The following CEP63 variants were observed in gnomAD, a reference collection of about 807,000 sequenced individuals.
CEP63 encodes centrosomal protein of 63 kDa.
In CEP63, 84 loss-of-function variants were observed where a neutral mutation model predicts 89.1. The ratio of observed to expected loss-of-function variants is 0.94; its 90% CI spans 0.79 to 1.13. CEP63 has a LOEUF of 1.13. CEP63 is among the 50% of genes most tolerant of loss of function. The pLI is 0.00. For synonymous variants in CEP63, 267 were observed against 272.5 expected, an observed-to-expected ratio of 0.98 and a Z score of 0.20; for missense variants, 838 against 813.3, an observed-to-expected ratio of 1.03 and a Z score of -0.37.
chr3:134,557,191 A>G (rs2110066810), intron 12 of CEP63, among the ~76,000 whole-genome samples: 1 of 152,090 alleles, frequency 6.6e-6, no homozygotes, highest in Admixed American at 6.6e-5. Flanking sequence ...TTTCATTTTA[A>G]CTCGTATGTC....
At chr3:134,511,628 A>C (rs979153675) in intron 3 of CEP63, among the ~76,000 whole-genome samples, 2 of 152,226 alleles carry the variant, frequency 1.3e-5, no homozygotes, top group East Asian at 3.8e-4. Context: ...CTGTACAGGA[A>C]GCATGGCTGG....
At chr3:134,692,780 C>A in the CEP63 span, among the ~76,000 whole-genome samples, 2 of 152,188 alleles carry the variant, frequency 1.3e-5, no homozygotes, top group South Asian at 4.1e-4. Context: ...TTGCCTGGGA[C>A]TGCCCTGGTT....
At chr3:134,635,493 T>TAAAAAAAAA in the CEP63 span, among the ~76,000 whole-genome samples, 1 of 79,352 alleles carries the variant, frequency 1.3e-5, no homozygotes, top group Non-Finnish European at 2.3e-5. Flanking sequence ...CGAGACTCTG[T>TAAAAAAAAA]AAAAAAAAAA....
the CEP63 span, among the ~76,000 whole-genome samples, chr3:134,624,208 T>C: frequency 6.6e-6 from 1 of 152,108 alleles, no homozygotes; most frequent in African/African-American, 2.4e-5. Flanking sequence ...CCCACTGGTG[T>C]TAGAGTTCTT....
rs775085746 is a variant in CEP63, at chr3:134,549,146, T to TA, written c.1154dup (p.Asn385LysfsTer3). On this transcript the variant is annotated frameshift_variant, in exon 10 of 15. Transcript: ENST00000675561. LOFTEE classifies it high-confidence loss of function. ...AAGAACTGAAGAGGATGGAAGCACA[T>TA]AACAATGAATACAAAGCAGAGATTA... 5.0e-6 allele frequency: 8 copies of TA among 1,611,582 alleles called. No individual in the cohort carries two copies. Among genetic ancestry groups the TA allele is most frequent in the Middle Eastern group, 1.6e-4 (1 of 6,080 alleles).
the CEP63 span, among the ~76,000 whole-genome samples, chr3:134,739,676 A>G: frequency 6.6e-6 from 1 of 151,900 alleles, no homozygotes; most frequent in Non-Finnish European, 1.5e-5. Flanking sequence ...ATGTACACGA[A>G]CTTTAAAAAC....
the CEP63 span, among the ~76,000 whole-genome samples, chr3:134,685,119 CAG>C: frequency 6.6e-6 from 1 of 152,130 alleles, no homozygotes; most frequent in Non-Finnish European, 1.5e-5. Flanking sequence ...ATGGTTTAAA[CAG>C]AGCTTTATGG....
chr3:134,617,469 C>T, the CEP63 span, among the ~76,000 whole-genome samples: 2 of 152,200 alleles, frequency 1.3e-5, no homozygotes, highest in African/African-American at 2.4e-5. Flanking sequence ...CAAATATAGA[C>T]GTATACAATC....
At chr3:134,659,568 C>T in the CEP63 span, among the ~76,000 whole-genome samples, 10 of 152,314 alleles carry the variant, frequency 6.6e-5, no homozygotes, top group South Asian at 4.1e-4. Flanking sequence ...CCATTCTGCA[C>T]GTTTCAGTGA....
chr3:134,516,250 T>C (rs1447950433), intron 3 of CEP63, among the ~76,000 whole-genome samples: 2 of 152,342 alleles, frequency 1.3e-5, no homozygotes, highest in Admixed American at 6.5e-5. Flanking sequence ...GCTTTAGATA[T>C]GCATACACAT....
Position 134,559,353 on chromosome 3 carries a change from C to T in CEP63, c.1877C>T (p.Ala626Val), listed in dbSNP as rs778786470. ...SLCKTHSLPS[A>V]LDTNEANFSD... ...TGTAAAACTCATTCTTTGCCTTCAGCGCTAGATACAAATGAAGCCAATTTT... is the reference window on the plus strand; with the variant it reads ...TGTAAAACTCATTCTTTGCCTTCAGTGCTAGATACAAATGAAGCCAATTTT... The change falls in exon 14 of 15, where the codon GCG (alanine) becomes GTG (valine). Residue 626 changes from alanine to valine, a missense_variant. By Grantham distance (64) the Ala-to-Val change is moderately conservative. Transcript: ENST00000675561. 1.3e-5 allele frequency: 21 copies of T among 1,613,828 alleles called. No individual in the cohort carries two copies. The highest frequency in any genetic ancestry group is 4.5e-5 in the East Asian group (2 of 44,866).
the CEP63 span, chr3:134,619,081 C>T: frequency 1.5e-6 from 2 of 1,324,708 alleles, no homozygotes; most frequent in African/African-American, 1.5e-5. Context: ...GGCAAAGGCA[C>T]ATGGCACTGT....
the CEP63 span, among the ~76,000 whole-genome samples, chr3:134,659,900 C>T: frequency 6.6e-6 from 1 of 152,242 alleles, no homozygotes; most frequent in African/African-American, 2.4e-5. Flanking sequence ...AGTGTCAGTG[C>T]AGACTCCAGC....
At chr3:134,737,080 T>C in the CEP63 span, among the ~76,000 whole-genome samples, 1 of 152,216 alleles carries the variant, frequency 6.6e-6, no homozygotes, top group African/African-American at 2.4e-5. Flanking sequence ...CAATTAATAA[T>C]ATGAAGTCAA....
chr3:134,576,640 T>C (rs1958220120), downstream of CEP63, among the ~76,000 whole-genome samples: 1 of 152,224 alleles, frequency 6.6e-6, no homozygotes. Flanking sequence ...ATGATCCTAA[T>C]TCATCAAGGC....
chr3:134,543,030 T>A (rs1167886241), intron 6 of CEP63, among the ~76,000 whole-genome samples: 3 of 152,260 alleles, frequency 2.0e-5, no homozygotes, highest in Non-Finnish European at 4.4e-5. Context: ...TAGAAGTTTT[T>A]AAATAATTAT....
chr3:134,591,789 G>T (rs1958601367), downstream of CEP63, among the ~76,000 whole-genome samples: 1 of 152,166 alleles, frequency 6.6e-6, no homozygotes, highest in Non-Finnish European at 1.5e-5. Context: ...GCTGAGGTGG[G>T]AAGGTGGCTT....
At chr3:134,696,453 A>T in the CEP63 span, among the ~76,000 whole-genome samples, 3 of 152,244 alleles carry the variant, frequency 2.0e-5, no homozygotes, top group Non-Finnish European at 2.9e-5. Context: ...GGACAAGACC[A>T]AGCCTTGTGC....
At chr3:134,560,552 A>C (rs903867307) in intron 14 of CEP63, among the ~76,000 whole-genome samples, 1 of 152,164 alleles carries the variant, frequency 6.6e-6, no homozygotes, top group Non-Finnish European at 1.5e-5. Flanking sequence ...GTAGGGAAAG[A>C]AGCTCAGCTC....
Sources: allele counts gnomAD v4.1 joint callset (sites outside exome capture counted in the v4.1 genomes callset), GRCh38; gene constraint gnomAD v4.1.1; transcripts MANE v1.5; gene names NCBI Gene and HGNC (gene_info 2026-07-23, HGNC 2026-07-21).